The following CAMK4 variants were observed in gnomAD, a reference collection of about 807,000 sequenced individuals.
CAMK4 encodes calcium/calmodulin dependent protein kinase IV, also known as calcium/calmodulin-dependent protein kinase type IV.
In CAMK4, 22 loss-of-function variants were observed where a neutral mutation model predicts 44.9. The ratio of observed to expected loss-of-function variants is 0.49; its 90% CI spans 0.35 to 0.70. CAMK4 has a LOEUF of 0.70. Ranked by LOEUF, CAMK4 falls within the 30% of genes least tolerant of loss-of-function variation. The probability of loss-of-function intolerance (pLI) is 0.01; values close to 1 mark genes in which losing one functional copy is unlikely to be tolerated. For synonymous variants in CAMK4, 218 were observed against 215.4 expected (o/e 1.01, Z -0.11); for missense variants, 498 against 586.8 (o/e 0.85, Z 1.56).
intron 7 of CAMK4, among the ~76,000 whole-genome samples, chr5:111,468,577 G>T: frequency 6.6e-6 from 1 of 152,152 alleles, no homozygotes; most frequent in South Asian, 2.1e-4. Flanking sequence ...GGGTGCTAGA[G>T]CCTGAACTTT....
chr5:111,489,285 A>C lies in CAMK4; in HGVS notation c.*4819A>C, dbSNP rs753259396. 3 of 152,202 alleles carry C rather than the reference A, an allele frequency of 2.0e-5. No homozygotes were observed. The highest frequency in any genetic ancestry group is 4.4e-5 in the Non-Finnish European group (3 of 68,032). 9.4% of individuals were successfully genotyped at this position (152,202 alleles called of 1,614,324 possible). ...GGAGAGAGACCACTGGAGAGATATC[A>C]GCAAACCACCCACAGTAACCAAGTT... On this transcript the variant is annotated 3_prime_UTR_variant, in exon 11 of 11. Coordinates refer to ENST00000282356, the MANE Select transcript of CAMK4 (RefSeq NM_001744.6).
intron 1 of CAMK4, among the ~76,000 whole-genome samples, chr5:111,334,535 G>A (rs1749313967): frequency 6.6e-6 from 1 of 151,382 alleles, no homozygotes; most frequent in South Asian, 2.1e-4. Context: ...TCACCCCTAA[G>A]AAGAATCAAT....
In CAMK4 at chr5:111,288,665, C is replaced by T. The variant is rs868445836; in HGVS notation, c.162-55359C>T. On this transcript the variant is annotated intron_variant, in intron 1 of 10. Coordinates refer to ENST00000282356, the MANE Select transcript of CAMK4 (RefSeq NM_001744.6). ...GAAAATACTTTTATATTCTCTTAGC[C>T]TCCTTTCCTCTTATGGCAGAACATG... Among the ~76,000 whole-genome samples, 16 of 152,236 alleles carry T rather than the reference C, an allele frequency of 1.1e-4. No individual in the cohort carries two copies. In the Middle Eastern group the frequency reaches 0.017, roughly 162 times the overall value.
At chr5:111,428,708 GT>G (rs2112933818) in intron 5 of CAMK4, among the ~76,000 whole-genome samples, 1 of 152,236 alleles carries the variant, frequency 6.6e-6, no homozygotes, top group East Asian at 1.9e-4. Context: ...ATAAAAAACA[GT>G]GAAGCACACC....
chr5:111,235,898 G>A (rs962687595), intron 1 of CAMK4, among the ~76,000 whole-genome samples: 3 of 152,224 alleles, frequency 2.0e-5, no homozygotes, highest in African/African-American at 7.2e-5. Flanking sequence ...GTGGCTCTGA[G>A]GCGGGGAGCA....
intron 5 of CAMK4, among the ~76,000 whole-genome samples, chr5:111,417,519 G>C (rs1752858167): frequency 2.7e-5 from 4 of 150,878 alleles, no homozygotes. Flanking sequence ...TCTGGCCCCA[G>C]CTAATTAAAA....
At chr5:111,434,140 A>C (rs982801818) in intron 5 of CAMK4, among the ~76,000 whole-genome samples, 1 of 152,142 alleles carries the variant, frequency 6.6e-6, no homozygotes, top group African/African-American at 2.4e-5. Flanking sequence ...CTAAAAATAC[A>C]AAAATAGCTG....
rs1442551211 is a variant in CAMK4, at chr5:111,377,475, C to G, written c.386+533C>G. On this transcript the variant is annotated intron_variant, in intron 4 of 10. Transcript: ENST00000282356. ...TTATTGCCAACTTTGGTTTCCTGTT[C>G]ATATGTTCATCTTTCAAAGCAGAGG... Among the ~76,000 whole-genome samples, 7 of 116,130 alleles carry G rather than the reference C, an allele frequency of 6.0e-5. No homozygotes were observed. In the East Asian group the frequency reaches 1.9e-3, roughly 31 times the overall value. The allele number at this position is 116,130 out of a possible 152,430, so 76.2% of individuals were successfully genotyped here.
intron 5 of CAMK4, among the ~76,000 whole-genome samples, chr5:111,429,917 CAA>C (rs139404786): frequency 0.22 from 29,883 of 135,724 alleles, 3,065 homozygotes; most frequent in Non-Finnish European, 0.24. Context: ...CAAACTATTC[CAA>C]AAAAAAAAAA....
chr5:111,452,727 T>G (rs1754279728), intron 7 of CAMK4, among the ~76,000 whole-genome samples: 1 of 152,230 alleles, frequency 6.6e-6, no homozygotes, highest in South Asian at 2.1e-4. Context: ...TTTCTATTAT[T>G]ATTTTCTCTT....
chr5:111,488,903 A>G lies in CAMK4; in HGVS notation c.*4437A>G, dbSNP rs1236069614. The stretch of plus-strand genomic sequence containing the variant: ...GTCATGTTGTCTAGATTTACTTTAG[A>G]TGGTGCAAAATTTCCAGATAGTAAC... On this transcript the variant is annotated 3_prime_UTR_variant, in exon 11 of 11. Transcript: ENST00000282356. 6.6e-6 allele frequency: 1 copy of G among 152,214 alleles called. No homozygotes were observed. Among genetic ancestry groups the G allele is most frequent in the Non-Finnish European group, 1.5e-5 (1 of 68,038 alleles). 9.4% of individuals were successfully genotyped at this position (152,214 alleles called of 1,614,324 possible).
At chr5:111,294,883 A>T (rs1253359376) in intron 1 of CAMK4, among the ~76,000 whole-genome samples, 1 of 152,196 alleles carries the variant, frequency 6.6e-6, no homozygotes, top group Non-Finnish European at 1.5e-5. Context: ...AGATGCTACT[A>T]AGCTATGTGC....
chr5:111,446,717 A>G lies in CAMK4; in HGVS notation c.491A>G (p.Asp164Gly). 1 of 1,602,990 alleles carries G rather than the reference A, an allele frequency of 6.2e-7. No individual in the cohort carries two copies. Among genetic ancestry groups the G allele is most frequent in the African/African-American group, 1.3e-5 (1 of 74,640 alleles). ...CATGAAAATGGGATTGTCCATCGTGATCTCAAACCAGAGAATCTTCTTTAT... is the reference window on the plus strand; with the variant it reads ...CATGAAAATGGGATTGTCCATCGTGGTCTCAAACCAGAGAATCTTCTTTAT... ...YLHENGIVHR[D>G]LKPENLLYAT... is the part of the protein sequence containing the mutation. The change falls in exon 6 of 11, where the codon GAT (aspartate) becomes GGT (glycine). Residue 164 changes from aspartate to glycine, a missense_variant. Coordinates refer to ENST00000282356, the MANE Select transcript of CAMK4 (RefSeq NM_001744.6).
chr5:111,325,642 T>C (rs748219686), intron 1 of CAMK4, among the ~76,000 whole-genome samples: 4 of 152,178 alleles, frequency 2.6e-5, no homozygotes, highest in Non-Finnish European at 5.9e-5. Context: ...ATGATGAGCT[T>C]TTTTCCCTAT....
At chr5:111,375,423 CA>C (rs1751178103) in intron 3 of CAMK4, among the ~76,000 whole-genome samples, 1 of 151,996 alleles carries the variant, frequency 6.6e-6, no homozygotes, top group East Asian at 1.9e-4. Context: ...GCCTCTGAGG[CA>C]AAGATCTAGT....
chr5:111,450,288 C>T (rs1234948939), intron 7 of CAMK4, among the ~76,000 whole-genome samples: 3 of 152,138 alleles, frequency 2.0e-5, no homozygotes, highest in African/African-American at 7.2e-5. Flanking sequence ...GAGCCAAGAT[C>T]GCACCACTGC....
chr5:111,466,102 A>G (rs889620307), intron 7 of CAMK4, among the ~76,000 whole-genome samples: 5 of 152,204 alleles, frequency 3.3e-5, no homozygotes, highest in Admixed American at 3.3e-4. Flanking sequence ...CAAAAATCAC[A>G]TGATCATCTC....
In CAMK4 at chr5:111,324,682, CCAAT is replaced by C. The variant is rs1748800852; in HGVS notation, c.162-19339_162-19336del. Among the ~76,000 whole-genome samples, 3 of 152,100 alleles carry C rather than the reference CCAAT, an allele frequency of 2.0e-5. No homozygotes were observed. The South Asian group carries it at 6.2e-4, about 32-fold the overall frequency. ...AAGAATATATATGATTTGAATATTA[CCAAT>C]CACCTTGACTTAATTGACACTTACA... On this transcript the variant is annotated intron_variant, in intron 1 of 10. Coordinates refer to ENST00000282356, the MANE Select transcript of CAMK4 (RefSeq NM_001744.6).
At chr5:111,408,050 A>G (rs1229996231) in intron 5 of CAMK4, among the ~76,000 whole-genome samples, 1 of 152,090 alleles carries the variant, frequency 6.6e-6, no homozygotes, top group Non-Finnish European at 1.5e-5. Context: ...CAGAGGTTGT[A>G]GTGAGCCAAG....
Sources: allele counts gnomAD v4.1 joint callset (sites outside exome capture counted in the v4.1 genomes callset), GRCh38; gene constraint gnomAD v4.1.1; transcripts MANE v1.5; gene names NCBI Gene and HGNC (gene_info 2026-07-23, HGNC 2026-07-21).